Variants in ERBB4 observed in about 807,000 individuals in gnomAD.
ERBB4 encodes erb-b2 receptor tyrosine kinase 4.
Under a neutral mutation model 158.0 loss-of-function variants are expected in ERBB4, and 42 were observed. That is an observed-to-expected ratio of 0.27 (90% CI 0.21 to 0.34). ERBB4 has a LOEUF of 0.34. Ranked by LOEUF, ERBB4 falls within the 10% of genes least tolerant of loss-of-function variation. ERBB4 has a pLI of 1.00. For synonymous variants in ERBB4, 583 were observed against 558.7 expected, an observed-to-expected ratio of 1.04 and a Z score of -0.61; for missense variants, 1,333 against 1,624.1, an observed-to-expected ratio of 0.82 and a Z score of 3.08.
intron 3 of ERBB4, among the ~76,000 whole-genome samples, chr2:211,902,779 T>C (rs2125036747): frequency 6.6e-6 from 1 of 151,986 alleles, no homozygotes; most frequent in East Asian, 1.9e-4. Flanking sequence ...TAAAAAATCA[T>C]AGATTATAGA....
chr2:212,516,784 T>C (rs919892964), intron 1 of ERBB4, among the ~76,000 whole-genome samples: 1 of 152,136 alleles, frequency 6.6e-6, no homozygotes, highest in Non-Finnish European at 1.5e-5. Context: ...TTCAAATCAT[T>C]GAATTAAGGA....
chr2:211,397,854 G>A (rs2062953019), intron 25 of ERBB4, among the ~76,000 whole-genome samples: 1 of 152,066 alleles, frequency 6.6e-6, no homozygotes, highest in Non-Finnish European at 1.5e-5. Context: ...TTTCTGCCCA[G>A]AAACATGCCT....
At chr2:212,388,181 G>C (rs1217424758) in intron 1 of ERBB4, among the ~76,000 whole-genome samples, 1 of 152,050 alleles carries the variant, frequency 6.6e-6, no homozygotes, top group Non-Finnish European at 1.5e-5. Context: ...TTTATAAAAA[G>C]ATACAGAGAA....
At chr2:211,612,879 C>T (rs528419771) in intron 19 of ERBB4, among the ~76,000 whole-genome samples, 8 of 152,060 alleles carry the variant, frequency 5.3e-5, no homozygotes, top group African/African-American at 1.9e-4. Flanking sequence ...CATTTACTCT[C>T]GAATTGGAGG....
chr2:212,534,198 T>C (rs900318194), intron 1 of ERBB4, among the ~76,000 whole-genome samples: 13 of 152,232 alleles, frequency 8.5e-5, no homozygotes, highest in Admixed American at 4.6e-4. Flanking sequence ...CTTTAAAGCA[T>C]TGCAATGTTT....
intron 16 of ERBB4, among the ~76,000 whole-genome samples, chr2:211,647,188 C>G (rs1178562668): frequency 2.6e-5 from 4 of 151,384 alleles, no homozygotes; most frequent in African/African-American, 9.7e-5. Flanking sequence ...CCTCTTAACT[C>G]TTCTTTTTTT....
chr2:212,121,623 A>G (rs1365753264), intron 2 of ERBB4, among the ~76,000 whole-genome samples: 2 of 152,296 alleles, frequency 1.3e-5, no homozygotes, highest in African/African-American at 4.8e-5. Flanking sequence ...TCTCCTAAAT[A>G]TCTCCACCAT....
At chr2:212,380,933 G>A (rs543349411) in intron 1 of ERBB4, among the ~76,000 whole-genome samples, 1 of 151,020 alleles carries the variant, frequency 6.6e-6, no homozygotes, top group Admixed American at 6.6e-5. Flanking sequence ...TTGGGTAGTC[G>A]GAATTAAAGC....
At chr2:212,104,159 A>G (rs1412735579) in intron 2 of ERBB4, among the ~76,000 whole-genome samples, 1 of 152,016 alleles carries the variant, frequency 6.6e-6, no homozygotes, top group Non-Finnish European at 1.5e-5. Context: ...ACACTTCTAT[A>G]TGATTAATAT....
At chr2:212,384,914 TATATATAC>T (rs141903351) in intron 1 of ERBB4, among the ~76,000 whole-genome samples, 3,436 of 142,200 alleles carry the variant, frequency 0.024, 131 homozygotes, top group African/African-American at 0.085. Context: ...TATATATATA[TATATATAC>T]ACACACACAC....
intron 15 of ERBB4, among the ~76,000 whole-genome samples, chr2:211,659,426 G>C (rs2071338575): frequency 6.6e-6 from 1 of 151,912 alleles, no homozygotes; most frequent in Admixed American, 6.6e-5. Context: ...TACTAAAAAA[G>C]CTTCCAATTT....
chr2:211,754,476 A>T (rs951111024), intron 4 of ERBB4, among the ~76,000 whole-genome samples: 2 of 145,878 alleles, frequency 1.4e-5, no homozygotes, highest in Non-Finnish European at 3.0e-5. Flanking sequence ...ATCTTGGCTC[A>T]CTGCAACCTC....
Position 212,356,674 on chromosome 2 carries a change from T to A in ERBB4, c.82+181775A>T, listed in dbSNP as rs182053918. 1.5e-3 allele frequency among the ~76,000 whole-genome samples: 222 copies of A among 152,012 alleles called. 3 individuals carry two copies. Among genetic ancestry groups the A allele is most frequent in the Admixed American group, 0.013 (191 of 15,182 alleles). On this transcript the variant is annotated intron_variant, in intron 1 of 27. Transcript: ENST00000342788. ...ACTGTCTATACATGCCCTCTATTTT[T>A]AAATCATAATCACTACTGAGTCACA...
At chr2:211,577,417 C>T (rs116806361) in intron 19 of ERBB4, among the ~76,000 whole-genome samples, 2 of 151,840 alleles carry the variant, frequency 1.3e-5, no homozygotes, top group African/African-American at 4.8e-5. Context: ...CCTTGTCTTG[C>T]GGTGGATAAA....
chr2:212,498,949 C>A (rs890224129), intron 1 of ERBB4, among the ~76,000 whole-genome samples: 1 of 151,954 alleles, frequency 6.6e-6, no homozygotes, highest in Non-Finnish European at 1.5e-5. Flanking sequence ...ACAAGTGGAT[C>A]TGAGTAAGTC....
chr2:212,214,599 T>C (rs1171961720), intron 1 of ERBB4, among the ~76,000 whole-genome samples: 1 of 151,640 alleles, frequency 6.6e-6, no homozygotes, highest in Non-Finnish European at 1.5e-5. Flanking sequence ...CCTGGTAAAA[T>C]CAAGTATTGG....
intron 20 of ERBB4, among the ~76,000 whole-genome samples, chr2:211,546,325 AT>A (rs1341358078): frequency 5.9e-5 from 9 of 152,140 alleles, no homozygotes; most frequent in Admixed American, 4.6e-4. Flanking sequence ...ATACATATAT[AT>A]TTATGTGTAT....
chr2:211,875,378 A>G (rs2078472788), intron 3 of ERBB4, among the ~76,000 whole-genome samples: 1 of 152,138 alleles, frequency 6.6e-6, no homozygotes, highest in Admixed American at 6.6e-5. Context: ...GGTAATTTTA[A>G]TTATTTCTCA....
chr2:211,921,123 A>G (rs1184923409), intron 3 of ERBB4, among the ~76,000 whole-genome samples: 1 of 152,070 alleles, frequency 6.6e-6, no homozygotes, highest in African/African-American at 2.4e-5. Context: ...TGCATATTCA[A>G]TTTCCCAATA....
Sources: allele counts gnomAD v4.1 joint callset (sites outside exome capture counted in the v4.1 genomes callset), GRCh38; gene constraint gnomAD v4.1.1; transcripts MANE v1.5; gene names NCBI Gene and HGNC (gene_info 2026-07-23, HGNC 2026-07-21).